The following PIEZO1 variants were observed in gnomAD, a reference collection of about 807,000 sequenced individuals.
PIEZO1 encodes piezo-type mechanosensitive ion channel component 1.
Under a neutral mutation model 297.2 loss-of-function variants are expected in PIEZO1, and 296 were observed. That is an observed-to-expected ratio of 1.00 (90% CI 0.91 to 1.10). The LOEUF (loss-of-function observed/expected upper bound fraction) is 1.10. Among genes scored for constraint, PIEZO1 ranks in the 50% least tolerant of loss-of-function variants. PIEZO1 has a pLI of 0.00. For missense variants in PIEZO1, 5,018 were observed against 3,455.5 expected, an observed-to-expected ratio of 1.45 and a Z score of -11.34; for synonymous variants, 2,427 against 1,507.5, an observed-to-expected ratio of 1.61 and a Z score of -14.13.
chr16:88,731,730 C>G lies in PIEZO1; in HGVS notation c.3172G>C (p.Gly1058Arg). The G allele has an allele frequency of 6.5e-7, 1 of 1,549,758 alleles. No individual in the cohort carries two copies. The change falls in exon 22 of 51, where the codon GGG becomes CGG. Residue 1058 changes from glycine to arginine, a missense_variant. By Grantham distance (125) the Gly-to-Arg change is moderately radical. Coordinates refer to ENST00000301015, the MANE Select transcript of PIEZO1 (RefSeq NM_001142864.4). Reference sequence around the variant, plus strand: ...CCAATGCACAGGGCCGGGGGCATCCCCAGGCACAGCAGGTACTGGTACAGC... The same window carrying G: ...CCAATGCACAGGGCCGGGGGCATCCGCAGGCACAGCAGGTACTGGTACAGC... ...FLLYQYLLCL[G>R]MPPALCIDYP...
At chr16:88,763,947 C>T (rs1328941137) in intron 1 of PIEZO1, among the ~76,000 whole-genome samples, 5 of 152,146 alleles carry the variant, frequency 3.3e-5, no homozygotes, top group Non-Finnish European at 5.9e-5. Flanking sequence ...AGGGTCGGCA[C>T]GCAGGGGGTC....
rs1326544249 is a variant in PIEZO1, at chr16:88,737,320, G to A, written c.1195+239C>T. 1.4e-5 allele frequency: 7 copies of A among 489,956 alleles called. No individual in the cohort carries two copies. In the East Asian group the frequency reaches 1.6e-4, roughly 11 times the overall value. The allele number at this position is 489,956 out of a possible 1,614,324, so 30.4% of individuals were successfully genotyped here. A position where few individuals can be genotyped will look rare whatever the true frequency, so the allele number is the denominator to read the frequency against. On this transcript the variant is annotated intron_variant, in intron 10 of 50. Coordinates refer to ENST00000301015, the MANE Select transcript of PIEZO1 (RefSeq NM_001142864.4). ...CCCCCATGGGGTCTTGGGGATCAACGACGCGGCCACTCAGCTGCCCTGGGG... is the reference window on the plus strand; with the variant it reads ...CCCCCATGGGGTCTTGGGGATCAACAACGCGGCCACTCAGCTGCCCTGGGG...
chr16:88,753,383 G>T (rs1285727372), intron 1 of PIEZO1, among the ~76,000 whole-genome samples: 1 of 146,770 alleles, frequency 6.8e-6, no homozygotes, highest in Non-Finnish European at 1.5e-5. Context: ...GAGACAGGAG[G>T]GCCCTGGCTG....
Position 88,733,710 on chromosome 16 carries a change from G to A in PIEZO1, c.2365C>T (p.Leu789=), listed in dbSNP as rs763268102. The change falls in exon 18 of 51, where the codon CTG becomes TTG. Residue 789 remains leucine (L), a synonymous_variant. Coordinates refer to ENST00000301015, the MANE Select transcript of PIEZO1 (RefSeq NM_001142864.4). ...AKWGLVAERL[L]ELAAGFSDVL... is the part of the protein sequence containing the mutation. ...TCCGAGAAGCCGGCTGCCAGCTCCAGCAGCCGCTCAGCCACCAGGCCCCAC... is the reference window on the plus strand; with the variant it reads ...TCCGAGAAGCCGGCTGCCAGCTCCAACAGCCGCTCAGCCACCAGGCCCCAC... The A allele has an allele frequency of 8.4e-6, 13 of 1,548,452 alleles. No homozygotes were observed. The highest frequency in any genetic ancestry group is 1.1e-5 in the Non-Finnish European group (13 of 1,145,846).
Position 88,738,614 on chromosome 16 carries a change from C to A in PIEZO1, c.588G>T (p.Leu196=), listed in dbSNP as rs142099589. 0.022 allele frequency: 34,350 copies of A among 1,535,668 alleles called. 505 individuals carry two copies. The highest frequency in any genetic ancestry group is 0.026 in the Non-Finnish European group (29,780 of 1,146,718). ...ARFRVTAHWL[L]VAAGRVLAVT... ...CGGCCAGGACCCGCCCAGCCGCCAC[C>A]AGCAGCCAGTGGGCCGTGACTCGGA... The change falls in exon 6 of 51, where the codon CTG becomes CTT. Residue 196 remains leucine, a synonymous_variant. Transcript: ENST00000301015.
At position 88,722,701 on chromosome 16, in the gene PIEZO1, A is replaced by G; in HGVS notation, c.4669-12T>C. The G allele has an allele frequency of 6.5e-7, 1 of 1,534,032 alleles. No homozygotes were observed. The highest frequency in any genetic ancestry group is 1.4e-5 in the African/African-American group (1 of 73,082). On this transcript the variant is annotated splice_polypyrimidine_tract_variant and intron_variant, in intron 34 of 50. Coordinates refer to ENST00000301015, the MANE Select transcript of PIEZO1 (RefSeq NM_001142864.4). ...TGCACTTCGCCGCCCTGCAGGGCACAGCAGGGGGCTCAGGGCTGCGTCCAG... is the reference window on the plus strand; with the variant it reads ...TGCACTTCGCCGCCCTGCAGGGCACGGCAGGGGGCTCAGGGCTGCGTCCAG...
At chr16:88,768,897 T>C (rs1053286902) in intron 1 of PIEZO1, among the ~76,000 whole-genome samples, 16 of 152,198 alleles carry the variant, frequency 1.1e-4, no homozygotes, top group African/African-American at 3.6e-4. Context: ...GGAGCCAGAA[T>C]AGCCATGGCC....
intron 1 of PIEZO1, among the ~76,000 whole-genome samples, chr16:88,760,849 G>A (rs1297897615): frequency 1.3e-5 from 2 of 152,264 alleles, no homozygotes; most frequent in African/African-American, 2.4e-5. Context: ...GGAGCTTCTG[G>A]ACCATTTAAT....
chr16:88,763,751 C>G (rs971409264), intron 1 of PIEZO1, among the ~76,000 whole-genome samples: 1 of 152,124 alleles, frequency 6.6e-6, no homozygotes. Context: ...ATGGAAGGGC[C>G]GATGTTAAGG....
chr16:88,748,497 C>T (rs531293247), intron 2 of PIEZO1, among the ~76,000 whole-genome samples: 265 of 148,308 alleles, frequency 1.8e-3, no homozygotes, highest in African/African-American at 5.4e-3. Flanking sequence ...CTCCCCCCCC[C>T]CCCCGCACAA....
intron 1 of PIEZO1, among the ~76,000 whole-genome samples, chr16:88,775,776 C>G (rs116881965): frequency 0.011 from 1,676 of 150,260 alleles, 21 homozygotes; most frequent in South Asian, 0.033. Flanking sequence ...AAGGGCAGGA[C>G]AGGAGTGGCA....
intron 1 of PIEZO1, among the ~76,000 whole-genome samples, chr16:88,778,324 C>T (rs1326152608): frequency 1.3e-5 from 2 of 152,206 alleles, no homozygotes; most frequent in Non-Finnish European, 2.9e-5. Flanking sequence ...GAGGCGGCTG[C>T]TGTCCCTCTT....
chr16:88,784,878 CCAGGCGCCCG>C lies in PIEZO1; in HGVS notation c.64+13_64+22del, dbSNP rs768188501. The C allele has an allele frequency of 5.5e-5, 78 of 1,427,464 alleles. No homozygotes were observed. Among genetic ancestry groups the C allele is most frequent in the Non-Finnish European group, 7.0e-5 (76 of 1,085,060 alleles). The allele number at this position is 1,427,464 out of a possible 1,614,324, so 88.4% of individuals were successfully genotyped here. On this transcript the variant is annotated intron_variant, in intron 1 of 50. Transcript: ENST00000301015. Reference sequence around the variant, plus strand: ...GAGACGCAGCCCCCTCCCGTCGCCCCCAGGCGCCCGCCCCCCACTCACCAGCCAGCAGCGC... The same window carrying C: ...GAGACGCAGCCCCCTCCCGTCGCCCCCCCCCCACTCACCAGCCAGCAGCGC...
intron 1 of PIEZO1, among the ~76,000 whole-genome samples, chr16:88,760,733 C>T (rs1309076718): frequency 4.6e-5 from 7 of 152,174 alleles, no homozygotes; most frequent in Admixed American, 2.0e-4. Flanking sequence ...CCAGGGGGCC[C>T]GGGACAGGCA....
chr16:88,737,607 A>C lies in PIEZO1; in HGVS notation c.1147T>G (p.Cys383Gly). The change falls in exon 10 of 51, where the codon TGC (cysteine) becomes GGC (glycine). Residue 383 changes from cysteine (C) to glycine (G), a missense_variant. Coordinates refer to ENST00000301015, the MANE Select transcript of PIEZO1 (RefSeq NM_001142864.4). ...TGGCCGGTCAGCTCGTGCACGATGC[A>C]GTTATCAGCCTCGGTGTCGGGTGCT... ...PTAPDTEADNCIVHELTGQSS... is the reference protein window; with the variant it reads ...PTAPDTEADNGIVHELTGQSS... The C allele has an allele frequency of 6.5e-7, 1 of 1,534,736 alleles. No individual in the cohort carries two copies.
rs868467734 is a variant in PIEZO1 at position 88,716,685 on chromosome 16, G to A, written c.6800C>T (p.Thr2267Met). Residue 2267 changes from threonine (T) to methionine (M), a missense_variant, in exon 47 of 51, where the codon ACG becomes ATG. Physicochemically the swap from Thr to Met is moderately conservative, Grantham distance 81 (BLOSUM62 -1). Transcript: ENST00000301015. ...ISQYSPEDIV[T>M]AQIEGSSGAL... ...CCCGGAGCTGCCCTCAATCTGCGCCGTGACGATGTCCTCAGGGCTGTACTG... is the reference window on the plus strand; with the variant it reads ...CCCGGAGCTGCCCTCAATCTGCGCCATGACGATGTCCTCAGGGCTGTACTG... 1.2e-5 allele frequency: 19 copies of A among 1,548,862 alleles called. No individual in the cohort carries two copies. The highest frequency in any genetic ancestry group is 7.3e-5 in the East Asian group (3 of 40,944).
At chr16:88,725,733 C>G (rs1196594376) in intron 27 of PIEZO1, 49 bp from the exon 28 acceptor site, 1 of 965,364 alleles carries the variant, frequency 1.0e-6, no homozygotes, top group Non-Finnish European at 1.6e-6. Flanking sequence ...TCGACCCCAG[C>G]AACATGGGCA....
chr16:88,718,828 C>T (rs897155266), intron 44 of PIEZO1: 1 of 153,626 alleles, frequency 6.5e-6, no homozygotes, highest in African/African-American at 2.4e-5. Context: ...CCACCTCAGC[C>T]TCCAGAGTAG....
intron 1 of PIEZO1, among the ~76,000 whole-genome samples, chr16:88,765,392 G>A (rs542452661): frequency 6.6e-6 from 1 of 152,220 alleles, no homozygotes; most frequent in African/African-American, 2.4e-5. Flanking sequence ...AGGTGTCCAG[G>A]ATGGTCGTAC....
Sources: allele counts gnomAD v4.1 joint callset (sites outside exome capture counted in the v4.1 genomes callset), GRCh38; gene constraint gnomAD v4.1.1; transcripts MANE v1.5; gene names NCBI Gene and HGNC (gene_info 2026-07-23, HGNC 2026-07-21).